The following OPCML variants were observed in gnomAD, a reference collection of about 807,000 sequenced individuals.
OPCML encodes opioid-binding protein/cell adhesion molecule.
Under a neutral mutation model 37.8 loss-of-function variants are expected in OPCML, and 13 were observed. The ratio of observed to expected loss-of-function variants is 0.34; its 90% CI spans 0.22 to 0.55. The LOEUF is 0.55. OPCML is among the 20% of genes least tolerant of loss of function. The pLI is 0.91. For synonymous variants in OPCML, 176 were observed against 168.8 expected (o/e 1.04, Z -0.33); for missense variants, 341 against 435.6 (o/e 0.78, Z 1.93).
rs114576930 is a variant in OPCML at position 133,486,732 on chromosome 11, C to A, written c.61+45532G>T. ...TTCCACTTGCCTCTTGCCGTCTCTACTCGGAGGGTACTTTAGGGTACACAC... is the reference window on the plus strand; with the variant it reads ...TTCCACTTGCCTCTTGCCGTCTCTAATCGGAGGGTACTTTAGGGTACACAC... On this transcript the variant is annotated intron_variant, in intron 1 of 7. Transcript: ENST00000524381. Among the ~76,000 whole-genome samples the A allele has an allele frequency of 3.2e-3, 488 of 152,230 alleles. 2 individuals are homozygous for A. The highest frequency in any genetic ancestry group is 0.011 in the African/African-American group (468 of 41,546).
chr11:133,070,360 G>A lies in OPCML; in HGVS notation c.62-127350C>T, dbSNP rs115120440. 5.6e-3 allele frequency among the ~76,000 whole-genome samples: 851 copies of A among 152,172 alleles called. 6 individuals carry two copies. The highest frequency in any genetic ancestry group is 0.019 in the African/African-American group (774 of 41,528). On this transcript the variant is annotated intron_variant, in intron 1 of 7. Transcript: ENST00000524381. ...TGTCCCTGTTCTGTCTAAAGCTCCCGGAACCCCCTTGGCCCTTCTGCTAGT... is the reference window on the plus strand; with the variant it reads ...TGTCCCTGTTCTGTCTAAAGCTCCCAGAACCCCCTTGGCCCTTCTGCTAGT...
intron 2 of OPCML, among the ~76,000 whole-genome samples, chr11:132,783,978 T>A (rs1947117101): frequency 6.6e-6 from 1 of 152,234 alleles, no homozygotes; most frequent in African/African-American, 2.4e-5. Context: ...CCTCCTGATT[T>A]AATGATCAGA....
intron 1 of OPCML, among the ~76,000 whole-genome samples, chr11:132,973,829 A>C (rs908222003): frequency 6.6e-6 from 1 of 152,170 alleles, no homozygotes; most frequent in Non-Finnish European, 1.5e-5. Flanking sequence ...GCAGATGATC[A>C]TCTTCTACTT....
chr11:133,258,018 G>A (rs1941374233), intron 1 of OPCML, among the ~76,000 whole-genome samples: 2 of 152,104 alleles, frequency 1.3e-5, no homozygotes, highest in Admixed American at 6.5e-5. Flanking sequence ...AGAAGCGGTG[G>A]TAGTCAGCTG....
At chr11:132,584,830 T>A (rs1226567599) in intron 3 of OPCML, among the ~76,000 whole-genome samples, 1 of 152,224 alleles carries the variant, frequency 6.6e-6, no homozygotes, top group African/African-American at 2.4e-5. Context: ...GTTCAAAGTG[T>A]CTCTGTGCCT....
rs142728138 is a variant in OPCML at position 133,046,197 on chromosome 11, G to A, written c.62-103187C>T. 2.0e-3 allele frequency among the ~76,000 whole-genome samples: 302 copies of A among 152,294 alleles called. 2 individuals carry two copies. The highest frequency in any genetic ancestry group is 6.9e-3 in the African/African-American group (287 of 41,556). The stretch of plus-strand genomic sequence containing the variant: ...CTTACCTAGATTCTCTGGGAAAGCT[G>A]AGGAGGAGAACACCATACCTACTTT... On this transcript the variant is annotated intron_variant, in intron 1 of 7. Coordinates refer to ENST00000524381, the MANE Select transcript of OPCML (RefSeq NM_001012393.5).
At chr11:132,451,373 G>C (rs1052452381) in intron 4 of OPCML, among the ~76,000 whole-genome samples, 1 of 151,592 alleles carries the variant, frequency 6.6e-6, no homozygotes, top group Non-Finnish European at 1.5e-5. Flanking sequence ...GAAGGGTATA[G>C]GGCTGGGGCG....
chr11:132,593,722 G>A (rs147886741), intron 3 of OPCML, among the ~76,000 whole-genome samples: 149 of 152,246 alleles, frequency 9.8e-4, no homozygotes, highest in Non-Finnish European at 1.7e-3. Context: ...TTGGGTAAGA[G>A]AATAAAGATG....
At chr11:132,605,458 G>A (rs1056434002) in intron 3 of OPCML, among the ~76,000 whole-genome samples, 1 of 152,036 alleles carries the variant, frequency 6.6e-6, no homozygotes, top group African/African-American at 2.4e-5. Flanking sequence ...CAGCTACTCG[G>A]GAGGCTGAGG....
intron 4 of OPCML, among the ~76,000 whole-genome samples, chr11:132,441,165 G>GTTTTTTGTTTTTTTTTTT (rs2096031891): frequency 1.4e-5 from 1 of 72,402 alleles, no homozygotes; most frequent in African/African-American, 1.1e-4. Flanking sequence ...GGACTTTTTT[G>GTTTTTTGTTTTTTTTTTT]TTTTTTTTTT....
At chr11:133,260,238 G>A (rs1416622320) in intron 1 of OPCML, among the ~76,000 whole-genome samples, 3 of 151,792 alleles carry the variant, frequency 2.0e-5, no homozygotes, top group African/African-American at 7.3e-5. Context: ...GGAAGGAGGT[G>A]AGAAGCCGGG....
At chr11:133,373,448 T>TATATATATATATATATATACACAC (rs966091785) in intron 1 of OPCML, among the ~76,000 whole-genome samples, 3 of 132,172 alleles carry the variant, frequency 2.3e-5, no homozygotes, top group African/African-American at 3.1e-5. Context: ...TATATATATA[T>TATATATATATATATATATACACAC]ACACACACAC....
intron 1 of OPCML, among the ~76,000 whole-genome samples, chr11:132,999,283 C>T (rs1946947685): frequency 6.6e-6 from 1 of 152,028 alleles, no homozygotes; most frequent in Non-Finnish European, 1.5e-5. Flanking sequence ...CCTCTCGCCC[C>T]AGCCCCCTCC....
intron 1 of OPCML, among the ~76,000 whole-genome samples, chr11:133,346,291 G>A (rs73602437): frequency 0.014 from 2,195 of 152,266 alleles, 57 homozygotes; most frequent in African/African-American, 0.051. Context: ...TCATCCCCAG[G>A]CAGTGCAGCA....
chr11:132,825,605 C>G (rs556674632), intron 2 of OPCML, among the ~76,000 whole-genome samples: 59 of 152,342 alleles, frequency 3.9e-4, no homozygotes, highest in African/African-American at 1.4e-3. Flanking sequence ...GGCCTTTCTT[C>G]TTTCCTCAAT....
At chr11:133,449,569 T>TTAC in intron 1 of OPCML, among the ~76,000 whole-genome samples, 1 of 148,226 alleles carries the variant, frequency 6.7e-6, no homozygotes, top group African/African-American at 2.7e-5. Flanking sequence ...TTCCAAAGGC[T>TTAC]CCAGAGAATT....
chr11:132,658,934 C>T (rs1941830429), intron 2 of OPCML, among the ~76,000 whole-genome samples: 1 of 152,112 alleles, frequency 6.6e-6, no homozygotes, highest in Admixed American at 6.5e-5. Flanking sequence ...TCTAACATTC[C>T]AATGAAACTA....
At chr11:133,123,164 T>A (rs915271673) in intron 1 of OPCML, among the ~76,000 whole-genome samples, 2 of 152,186 alleles carry the variant, frequency 1.3e-5, no homozygotes, top group Non-Finnish European at 2.9e-5. Flanking sequence ...TCCTATGACA[T>A]CATGCAGTAA....
At chr11:132,964,708 C>T (rs1946174894) in intron 1 of OPCML, among the ~76,000 whole-genome samples, 1 of 152,140 alleles carries the variant, frequency 6.6e-6, no homozygotes, top group Non-Finnish European at 1.5e-5. Context: ...CAGTTGGCAC[C>T]AGGGTCCTCT....
Sources: gnomAD v4.1 joint callset for allele counts (sites outside exome capture counted in the v4.1 genomes callset) on GRCh38, gnomAD v4.1.1 for gene constraint, MANE v1.5 for transcripts, NCBI Gene and HGNC (gene_info 2026-07-23, HGNC 2026-07-21) for gene names.